Variants in CRTC3 observed in about 807,000 individuals in gnomAD.
CRTC3 encodes the protein CREB-regulated transcription coactivator 3.
A neutral mutation model predicts 74.5 loss-of-function variants in CRTC3; 26 were observed. The ratio of observed to expected loss-of-function variants is 0.35; its 90% CI spans 0.26 to 0.48. The LOEUF (loss-of-function observed/expected upper bound fraction) is 0.48. CRTC3 is among the 20% of genes least tolerant of loss of function. The pLI, the probability that CRTC3 is intolerant of heterozygous loss-of-function variation, is 0.99. For missense variants in CRTC3, 760 were observed against 787.3 expected (o/e 0.97, Z 0.41); for synonymous variants, 377 against 325.8 (o/e 1.16, Z -1.69).
intron 9 of CRTC3, among the ~76,000 whole-genome samples, chr15:90,623,653 C>T (rs1241123887): frequency 2.0e-5 from 3 of 152,142 alleles, no homozygotes; most frequent in African/African-American, 7.2e-5. Flanking sequence ...AAGACCCCTT[C>T]CCCAAGTCTG....
chr15:90,533,315 G>GGAGGCTGCGGCAGGAGA (rs1966662653), intron 1 of CRTC3, among the ~76,000 whole-genome samples: 3 of 151,456 alleles, frequency 2.0e-5, no homozygotes, highest in Non-Finnish European at 4.4e-5. Flanking sequence ...GCGGCAGGAG[G>GGAGGCTGCGGCAGGAGA]GAGGCTGCGG....
At chr15:90,575,015 A>G (rs983576291) in intron 2 of CRTC3, among the ~76,000 whole-genome samples, 1 of 150,300 alleles carries the variant, frequency 6.7e-6, no homozygotes, top group African/African-American at 2.5e-5. Context: ...TTTATACTGA[A>G]ATTTTTTTTC....
intron 10 of CRTC3, 57 bp downstream of exon 10, chr15:90,626,050 C>T (rs1968825220): frequency 3.9e-6 from 5 of 1,294,932 alleles, no homozygotes; most frequent in South Asian, 2.4e-5. Flanking sequence ...GGTCCCCACC[C>T]ATGTGGCCTG....
Position 90,644,067 on chromosome 15 carries a change from T to C in CRTC3, c.*1927T>C, listed in dbSNP as rs1276867369. The stretch of plus-strand genomic sequence containing the variant: ...TCCACCTTCCTCTGGAATCCAAGTA[T>C]TCCTGTTTCACATTTGCCCCAAATC... On this transcript the variant is annotated 3_prime_UTR_variant, in exon 15 of 15. Coordinates refer to ENST00000268184, the MANE Select transcript of CRTC3 (RefSeq NM_022769.5). 4.3e-6 allele frequency: 1 copy of C among 230,708 alleles called. No individual in the cohort carries two copies. Among genetic ancestry groups the C allele is most frequent in the Non-Finnish European group, 8.6e-6 (1 of 116,562 alleles). The allele number at this position is 230,708 out of a possible 1,614,324, so 14.3% of individuals were successfully genotyped here.
Position 90,530,981 on chromosome 15 carries a change from G to C in CRTC3, c.132+778G>C, listed in dbSNP as rs1335740169. Among the ~76,000 whole-genome samples the C allele has an allele frequency of 1.3e-5, 2 of 152,054 alleles. No homozygotes were observed. Among genetic ancestry groups the C allele is most frequent in the African/African-American group, 4.8e-5 (2 of 41,388 alleles). Reference sequence around the variant, plus strand: ...TGTCCGCGCAGGGTTGCAGAGAAGGGGGGTCAGCAGGAGTGGGGCTGGCCT... The same window carrying C: ...TGTCCGCGCAGGGTTGCAGAGAAGGCGGGTCAGCAGGAGTGGGGCTGGCCT... On this transcript the variant is annotated intron_variant, in intron 1 of 14. Transcript: ENST00000268184. This position sits in a 1 kb window ranked among gnomAD's most constrained non-coding sequence, Gnocchi z 6.2.
At chr15:90,626,030 A>C (rs1364660640) in intron 10 of CRTC3, 37 bp downstream of exon 10, 7 of 1,540,574 alleles carry the variant, frequency 4.5e-6, no homozygotes, top group Non-Finnish European at 5.4e-6. Flanking sequence ...CTGGTGGCTT[A>C]ATCATAGGTG....
intron 5 of CRTC3, among the ~76,000 whole-genome samples, chr15:90,605,374 C>A (rs1372732964): frequency 6.6e-6 from 1 of 152,192 alleles, no homozygotes; most frequent in Non-Finnish European, 1.5e-5. Context: ...CCAGTCTCTC[C>A]AAACCTACCT....
chr15:90,572,310 G>C (rs1967289341), intron 2 of CRTC3, among the ~76,000 whole-genome samples: 1 of 152,096 alleles, frequency 6.6e-6, no homozygotes. Context: ...CTTATTGAGA[G>C]ACAATTAGAT....
In CRTC3 at chr15:90,559,659, C is replaced by T. The variant is rs770299906; in HGVS notation, c.231+19522C>T. Among the ~76,000 whole-genome samples, 94 of 152,126 alleles carry T rather than the reference C, an allele frequency of 6.2e-4. 1 individual carries two copies. The highest frequency in any genetic ancestry group is 2.0e-4 in the Admixed American group (3 of 15,268). On this transcript the variant is annotated intron_variant, in intron 2 of 14. Coordinates refer to ENST00000268184, the MANE Select transcript of CRTC3 (RefSeq NM_022769.5). ...TTGTTTTTCGAGGCAAGGTCTCACT[C>T]TGTCAGTCAGGCTGGTGTGCAATAG...
intron 2 of CRTC3, among the ~76,000 whole-genome samples, chr15:90,571,794 A>C (rs1369941419): frequency 6.6e-6 from 1 of 152,098 alleles, no homozygotes; most frequent in African/African-American, 2.4e-5. Context: ...AAGTATATGC[A>C]AGCGTGTGTG....
At chr15:90,629,087 A>T (rs992909403) in intron 10 of CRTC3, 147 bp from the exon 11 acceptor site, 3 of 685,796 alleles carry the variant, frequency 4.4e-6, no homozygotes, top group Non-Finnish European at 4.8e-6. Context: ...GGTGCATCGG[A>T]TGCAGTCCCT....
intron 6 of CRTC3, chr15:90,613,524 G>C (rs971454511): frequency 6.6e-6 from 1 of 152,256 alleles, no homozygotes; most frequent in African/African-American, 2.4e-5. Context: ...CACCTACACT[G>C]TATCACCCGG....
At chr15:90,597,756 A>C (rs911653854) in intron 3 of CRTC3, 8 of 152,258 alleles carry the variant, frequency 5.3e-5, no homozygotes, top group African/African-American at 9.6e-5. Flanking sequence ...ATTGGTCTTT[A>C]GAATTTTAAG....
chr15:90,565,614 A>G (rs889838630), intron 2 of CRTC3, among the ~76,000 whole-genome samples: 5 of 152,232 alleles, frequency 3.3e-5, no homozygotes, highest in African/African-American at 9.6e-5. Flanking sequence ...CCATTTTTCA[A>G]TGGCATGTGG....
chr15:90,566,056 A>G (rs1447574134), intron 2 of CRTC3, among the ~76,000 whole-genome samples: 2 of 152,228 alleles, frequency 1.3e-5, no homozygotes, highest in African/African-American at 2.4e-5. Flanking sequence ...ATGATAAGAA[A>G]GTGAAACAGC....
intron 8 of CRTC3, among the ~76,000 whole-genome samples, chr15:90,618,718 A>G (rs773225982): frequency 6.6e-6 from 1 of 152,218 alleles, no homozygotes; most frequent in Non-Finnish European, 1.5e-5. Flanking sequence ...TGCCAAGTCT[A>G]CCAGAGTCAC....
In CRTC3 at chr15:90,643,979, T is replaced by G. The variant is rs567013936; in HGVS notation, c.*1839T>G. Reference sequence around the variant, plus strand: ...CTGGGCTGGTTAGCCTCTCCCGACCTCATTCCATTTCTATCTTCTGACCTT... The same window carrying G: ...CTGGGCTGGTTAGCCTCTCCCGACCGCATTCCATTTCTATCTTCTGACCTT... On this transcript the variant is annotated 3_prime_UTR_variant, in exon 15 of 15. Coordinates refer to ENST00000268184, the MANE Select transcript of CRTC3 (RefSeq NM_022769.5). The G allele has an allele frequency of 3.5e-4, 82 of 232,624 alleles. No individual in the cohort carries two copies. Among genetic ancestry groups the G allele is most frequent in the African/African-American group, 1.7e-3 (76 of 45,406 alleles). The allele number at this position is 232,624 out of a possible 1,614,324, so 14.4% of individuals were successfully genotyped here. A position where few individuals can be genotyped will look rare whatever the true frequency, so the allele number is the denominator to read the frequency against.
chr15:90,610,349 G>T (rs1327185392), intron 6 of CRTC3, among the ~76,000 whole-genome samples: 1 of 152,192 alleles, frequency 6.6e-6, no homozygotes, highest in East Asian at 1.9e-4. Flanking sequence ...CTCCTAGGCA[G>T]AATGATGCAG....
At chr15:90,563,892 C>CT (rs1253077448) in intron 2 of CRTC3, among the ~76,000 whole-genome samples, 4 of 152,092 alleles carry the variant, frequency 2.6e-5, no homozygotes, top group African/African-American at 4.8e-5. Flanking sequence ...GCCTTCCTTC[C>CT]TTTTTTTCAA....
Sources: allele counts gnomAD v4.1 joint callset (sites outside exome capture counted in the v4.1 genomes callset), GRCh38; gene constraint gnomAD v4.1.1; non-coding constraint Gnocchi (gnomAD v3.1); transcripts MANE v1.5; gene names NCBI Gene and HGNC (gene_info 2026-07-23, HGNC 2026-07-21).